Variants in PCDH9 observed in about 807,000 individuals in gnomAD.
PCDH9 encodes protocadherin 9, also known as protocadherin-9.
In PCDH9, 24 loss-of-function variants were observed where a neutral mutation model predicts 70.6. The observed-to-expected ratio is 0.34, with a 90% confidence interval of 0.25 to 0.48. The LOEUF is 0.48. Ranked by LOEUF, PCDH9 falls within the 20% of genes least tolerant of loss-of-function variation. The pLI is 0.99. For missense variants in PCDH9, 1,281 were observed against 1,503.6 expected, an observed-to-expected ratio of 0.85 and a Z score of 2.45; for synonymous variants, 562 against 558.5, an observed-to-expected ratio of 1.01 and a Z score of -0.09.
At chr13:66,370,749 A>C (rs1370878997) in intron 4 of PCDH9, among the ~76,000 whole-genome samples, 1 of 151,936 alleles carries the variant, frequency 6.6e-6, no homozygotes, top group Non-Finnish European at 1.5e-5. Flanking sequence ...CCTGGGCTCA[A>C]ACAATCCACC....
At chr13:66,426,677 A>G (rs981255263) in intron 4 of PCDH9, among the ~76,000 whole-genome samples, 1 of 151,624 alleles carries the variant, frequency 6.6e-6, no homozygotes, top group African/African-American at 2.4e-5. Context: ...TGGCATTTAT[A>G]AAAGGCCAAC....
chr13:66,984,094 C>T (rs763139465), intron 2 of PCDH9, among the ~76,000 whole-genome samples: 25 of 151,998 alleles, frequency 1.6e-4, no homozygotes, highest in Non-Finnish European at 2.1e-4. Context: ...TAAATATTCA[C>T]ACCTAATTAT....
intron 2 of PCDH9, among the ~76,000 whole-genome samples, chr13:67,027,112 T>C (rs991859544): frequency 6.6e-6 from 1 of 151,850 alleles, no homozygotes; most frequent in Non-Finnish European, 1.5e-5. Context: ...GCCAAGTCAA[T>C]CCTAAGCCAA....
chr13:67,130,875 C>T, intron 2 of PCDH9, among the ~76,000 whole-genome samples: 1 of 152,076 alleles, frequency 6.6e-6, no homozygotes. Flanking sequence ...GGACATAAAG[C>T]CTGCATTTGC....
In PCDH9 at chr13:67,086,615, G is replaced by C. The variant is rs1055934557; in HGVS notation, c.3036+138790C>G. On this transcript the variant is annotated intron_variant, in intron 2 of 4. Transcript: ENST00000377865. ...GATGGAATGTAACAGAGTTAAGAAA[G>C]AAATAGCTGAGCTGATGCTACTGTT... Among the ~76,000 whole-genome samples the C allele has an allele frequency of 2.6e-5, 4 of 152,158 alleles. No homozygotes were observed. The South Asian group carries it at 8.3e-4, about 32-fold the overall frequency.
chr13:66,524,514 C>A (rs1960132044), intron 4 of PCDH9, among the ~76,000 whole-genome samples: 1 of 152,000 alleles, frequency 6.6e-6, no homozygotes, highest in South Asian at 2.1e-4. Flanking sequence ...ACAAACCTGG[C>A]AAATTTCAAG....
intron 4 of PCDH9, among the ~76,000 whole-genome samples, chr13:66,402,678 T>C (rs1957208248): frequency 6.6e-6 from 1 of 152,170 alleles, no homozygotes; most frequent in South Asian, 2.1e-4. Context: ...TGTAATATGT[T>C]AAATTTACCT....
intron 2 of PCDH9, among the ~76,000 whole-genome samples, chr13:67,159,385 A>T (rs947200984): frequency 1.3e-5 from 2 of 152,206 alleles, no homozygotes; most frequent in Admixed American, 6.5e-5. Flanking sequence ...TATGTTGAGC[A>T]AAGAATGACA....
intron 3 of PCDH9, among the ~76,000 whole-genome samples, chr13:66,900,829 T>C (rs965817110): frequency 1.3e-5 from 2 of 151,726 alleles, no homozygotes; most frequent in African/African-American, 4.8e-5. Context: ...ATCTTTCTTG[T>C]TACTATATTA....
chr13:66,739,950 AG>A (rs2079229375), intron 3 of PCDH9, among the ~76,000 whole-genome samples: 1 of 150,782 alleles, frequency 6.6e-6, no homozygotes. Flanking sequence ...AAAGTCAACA[AG>A]GATACCCAGG....
At chr13:66,989,891 A>G (rs1276170162) in intron 2 of PCDH9, among the ~76,000 whole-genome samples, 2 of 151,846 alleles carry the variant, frequency 1.3e-5, no homozygotes, top group African/African-American at 2.4e-5. Context: ...ACTGTAGAAC[A>G]ATTAAGAATT....
At chr13:66,387,788 A>C (rs1956953466) in intron 4 of PCDH9, among the ~76,000 whole-genome samples, 1 of 152,128 alleles carries the variant, frequency 6.6e-6, no homozygotes, top group South Asian at 2.1e-4. Context: ...ACTGACAAAA[A>C]CATTTTTACT....
At chr13:67,174,847 T>C (rs2138459007) in intron 2 of PCDH9, among the ~76,000 whole-genome samples, 2 of 152,168 alleles carry the variant, frequency 1.3e-5, no homozygotes, top group Middle Eastern at 6.8e-3. Context: ...GCAAACTTTC[T>C]TTGTTAAATT....
intron 2 of PCDH9, among the ~76,000 whole-genome samples, chr13:66,954,946 G>T (rs142755265): frequency 0.017 from 2,593 of 152,142 alleles, 42 homozygotes; most frequent in South Asian, 0.065. Flanking sequence ...TGTATTTTTA[G>T]TAGAGACAGG....
intron 3 of PCDH9, among the ~76,000 whole-genome samples, chr13:66,862,030 A>G (rs2081493055): frequency 6.6e-6 from 1 of 152,224 alleles, no homozygotes; most frequent in Non-Finnish European, 1.5e-5. Flanking sequence ...GGACTTTAAC[A>G]GTCTCATTTG....
chr13:67,049,780 C>G (rs2085288977), intron 2 of PCDH9, among the ~76,000 whole-genome samples: 3 of 152,118 alleles, frequency 2.0e-5, no homozygotes, highest in Admixed American at 2.0e-4. Flanking sequence ...TCTAAAGAGT[C>G]TGTAGGAAAA....
chr13:66,848,741 A>C (rs1004359723), intron 3 of PCDH9, among the ~76,000 whole-genome samples: 56 of 151,982 alleles, frequency 3.7e-4, no homozygotes, highest in African/African-American at 1.3e-3. Context: ...ATCCTGGCTA[A>C]CACGGTGAAA....
rs931577744 is a variant in PCDH9 at position 66,303,245 on chromosome 13, A to G, written c.*1410T>C. ...AATCATCTGTCATGCCTTAACAAAA[A>G]CCTCCTAAGAATGTTCGAATTTGGA... On this transcript the variant is annotated 3_prime_UTR_variant, in exon 5 of 5. Coordinates refer to ENST00000377865, the MANE Select transcript of PCDH9 (RefSeq NM_203487.3). 3 of 152,258 alleles carry G rather than the reference A, an allele frequency of 2.0e-5. No homozygotes were observed. In the Admixed American group the frequency reaches 2.0e-4, roughly 10 times the overall value. 9.4% of individuals were successfully genotyped at this position (152,258 alleles called of 1,614,324 possible).
intron 4 of PCDH9, among the ~76,000 whole-genome samples, chr13:66,467,437 T>C (rs909531604): frequency 5.3e-5 from 8 of 152,024 alleles, no homozygotes; most frequent in Non-Finnish European, 7.4e-5. Context: ...TTCTCAAACT[T>C]TTAATACTTT....
Sources: allele counts gnomAD v4.1 joint callset (sites outside exome capture counted in the v4.1 genomes callset), GRCh38; gene constraint gnomAD v4.1.1; transcripts MANE v1.5; gene names NCBI Gene and HGNC (gene_info 2026-07-23, HGNC 2026-07-21).